SPTLC3: variants seen among roughly 807,000 people sequenced by gnomAD.
The protein encoded by SPTLC3 is serine palmitoyltransferase long chain base subunit 3.
In SPTLC3, 36 loss-of-function variants were observed where a neutral mutation model predicts 59.3. That is an observed-to-expected ratio of 0.61 (90% CI 0.47 to 0.80). The LOEUF is 0.80. Among genes scored for constraint, SPTLC3 ranks in the 30% least tolerant of loss-of-function variants. The probability of loss-of-function intolerance (pLI) is 0.00; values close to 1 mark genes in which losing one functional copy is unlikely to be tolerated. For synonymous variants in SPTLC3, 257 were observed against 240.8 expected, an observed-to-expected ratio of 1.07 and a Z score of -0.62; for missense variants, 625 against 685.1, an observed-to-expected ratio of 0.91 and a Z score of 0.98.
chr20:13,124,363 AAGGG>A (rs2037937621), intron 8 of SPTLC3, among the ~76,000 whole-genome samples: 1 of 151,750 alleles, frequency 6.6e-6, no homozygotes, highest in Non-Finnish European at 1.5e-5. Context: ...GGAAGGGAAG[AAGGG>A]AGGGAGGAAG....
chr20:13,096,823 T>C (rs1466408791), intron 6 of SPTLC3, among the ~76,000 whole-genome samples: 1 of 152,122 alleles, frequency 6.6e-6, no homozygotes. Flanking sequence ...ATTAAAACCA[T>C]TGCTCCAATA....
chr20:13,086,219 A>G (rs1989000500), intron 4 of SPTLC3, among the ~76,000 whole-genome samples: 1 of 152,192 alleles, frequency 6.6e-6, no homozygotes, highest in African/African-American at 2.4e-5. Flanking sequence ...CCTTTACTCA[A>G]TCAGGGTATG....
chr20:13,059,022 C>G (rs573511231), intron 2 of SPTLC3, among the ~76,000 whole-genome samples: 19 of 152,282 alleles, frequency 1.2e-4, no homozygotes, highest in African/African-American at 3.9e-4. Context: ...GGGCTCTGTT[C>G]AAGAGGTGAC....
chr20:13,146,782 T>C (rs1305405952), intron 9 of SPTLC3, among the ~76,000 whole-genome samples: 1 of 152,136 alleles, frequency 6.6e-6, no homozygotes, highest in Admixed American at 6.5e-5. Flanking sequence ...TACTTTTCAT[T>C]TGTGAAGTGT....
rs1478786739 is a variant in SPTLC3, at chr20:13,117,728, A to G, written c.1152+3A>G. 1.2e-6 allele frequency: 2 copies of G among 1,607,548 alleles called. No individual in the cohort carries two copies. The highest frequency in any genetic ancestry group is 2.2e-5 in the South Asian group (2 of 90,404). On this transcript the variant is annotated splice_donor_region_variant and intron_variant, in intron 8 of 11. Transcript: ENST00000399002. ...GAGGTTACATAGCTGGAAGGAAGGT[A>G]AGAGAGGGCCTGCTTGTGTCTGTTT...
chr20:13,091,302 C>T (rs1288400606), intron 5 of SPTLC3, 95 bp downstream of exon 5: 25 of 1,474,214 alleles, frequency 1.7e-5, no homozygotes, highest in Middle Eastern at 2.5e-4. Context: ...GAGATGGGCA[C>T]GGTGGTTCAC....
At chr20:13,114,548 G>C (rs1990428299) in intron 7 of SPTLC3, among the ~76,000 whole-genome samples, 1 of 152,156 alleles carries the variant, frequency 6.6e-6, no homozygotes, top group Non-Finnish European at 1.5e-5. Context: ...ATATGCTGTA[G>C]CCTCAGAATA....
intron 1 of SPTLC3, among the ~76,000 whole-genome samples, chr20:13,028,393 A>G (rs1382768000): frequency 6.6e-6 from 1 of 152,096 alleles, no homozygotes; most frequent in Non-Finnish European, 1.5e-5. Flanking sequence ...TAAGTGAATT[A>G]TATTGTACCA....
chr20:13,074,658 C>T (rs779136392), intron 4 of SPTLC3, among the ~76,000 whole-genome samples, 161 bp downstream of exon 4: 3 of 152,182 alleles, frequency 2.0e-5, no homozygotes, highest in Non-Finnish European at 4.4e-5. Context: ...AAGCATTAGG[C>T]TGTTGCCAGG....
chr20:13,064,394 A>G (rs531836051), intron 2 of SPTLC3, among the ~76,000 whole-genome samples: 11 of 151,350 alleles, frequency 7.3e-5, no homozygotes, highest in African/African-American at 2.7e-4. Flanking sequence ...CCTAGGTTGG[A>G]ACGATTCTCC....
intron 4 of SPTLC3, among the ~76,000 whole-genome samples, chr20:13,076,637 A>AG (rs1239570509): frequency 5.9e-5 from 9 of 152,098 alleles, no homozygotes; most frequent in African/African-American, 1.9e-4. Context: ...AAATGTACCT[A>AG]AAACAGATTT....
rs66462478 is a variant in SPTLC3 at position 13,118,459 on chromosome 20, AC to A, written c.1152+735del. Among the ~76,000 whole-genome samples, 812 of 143,616 alleles carry A rather than the reference AC, an allele frequency of 5.7e-3. 37 individuals are homozygous for A. Among genetic ancestry groups the A allele is most frequent in the African/African-American group, 0.013 (435 of 34,356 alleles). The allele number at this position is 143,616 out of a possible 152,430, so 94.2% of individuals were successfully genotyped here. ...ACCAAGAGGTTTGTGGAAAAAAAAA[AC>A]AAAAAAAAACAATAAATATTTGAGA... On this transcript the variant is annotated intron_variant, in intron 8 of 11. Coordinates refer to ENST00000399002, the MANE Select transcript of SPTLC3 (RefSeq NM_018327.4).
intron 4 of SPTLC3, among the ~76,000 whole-genome samples, chr20:13,089,316 T>C (rs746575366): frequency 3.3e-5 from 5 of 152,200 alleles, no homozygotes; most frequent in Non-Finnish European, 7.3e-5. Context: ...TTATCTGTTA[T>C]GTTATATCAT....
chr20:13,158,698 A>G (rs1460302869), intron 10 of SPTLC3, among the ~76,000 whole-genome samples: 1 of 152,210 alleles, frequency 6.6e-6, no homozygotes, highest in Non-Finnish European at 1.5e-5. Flanking sequence ...AGTTGAAATC[A>G]AAGGGCTAAT....
rs1280250935 is a variant in SPTLC3 at position 13,167,588 on chromosome 20, T to C, written c.*2721T>C. 6.6e-6 allele frequency: 1 copy of C among 152,200 alleles called. No homozygotes were observed. Among genetic ancestry groups the C allele is most frequent in the Non-Finnish European group, 1.5e-5 (1 of 68,030 alleles). The allele number at this position is 152,200 out of a possible 1,614,324, so 9.4% of individuals were successfully genotyped here. A position where few individuals can be genotyped will look rare whatever the true frequency, so the allele number is the denominator to read the frequency against. Reference sequence around the variant, plus strand: ...GAAAGCAGAAGATAAAGGTTCCAGATGATATTTGTAAGGAGGCTATCTCTG... The same window carrying C: ...GAAAGCAGAAGATAAAGGTTCCAGACGATATTTGTAAGGAGGCTATCTCTG... On this transcript the variant is annotated 3_prime_UTR_variant, in exon 12 of 12. Coordinates refer to ENST00000399002, the MANE Select transcript of SPTLC3 (RefSeq NM_018327.4).
At chr20:13,127,232 C>T (rs2038015547) in intron 9 of SPTLC3, among the ~76,000 whole-genome samples, 1 of 152,222 alleles carries the variant, frequency 6.6e-6, no homozygotes, top group Non-Finnish European at 1.5e-5. Flanking sequence ...AACTGTGCTA[C>T]TTTGCTCAAC....
chr20:13,095,301 G>T (rs1989372794), intron 6 of SPTLC3, among the ~76,000 whole-genome samples: 2 of 152,302 alleles, frequency 1.3e-5, no homozygotes, highest in Middle Eastern at 3.4e-3. Context: ...CGTAGTCGGG[G>T]TGTTATCTCT....
At chr20:13,107,544 G>T (rs1156775556) in intron 6 of SPTLC3, among the ~76,000 whole-genome samples, 1 of 152,042 alleles carries the variant, frequency 6.6e-6, no homozygotes, top group African/African-American at 2.4e-5. Flanking sequence ...TATGTGAAAA[G>T]AACACAATAG....
At chr20:13,127,498 A>C (rs1444155173) in intron 9 of SPTLC3, among the ~76,000 whole-genome samples, 1 of 152,218 alleles carries the variant, frequency 6.6e-6, no homozygotes, top group Non-Finnish European at 1.5e-5. Context: ...TACATTGTTT[A>C]ATGCAATGCT....
Sources: allele counts gnomAD v4.1 joint callset (sites outside exome capture counted in the v4.1 genomes callset), GRCh38; gene constraint gnomAD v4.1.1; transcripts MANE v1.5; gene names NCBI Gene and HGNC (gene_info 2026-07-23, HGNC 2026-07-21).